The following FMN1 variants were observed in gnomAD, a reference collection of about 807,000 sequenced individuals.
FMN1 encodes the protein formin 1, also known as formin-1.
Under a neutral mutation model 132.4 loss-of-function variants are expected in FMN1, and 110 were observed. The observed-to-expected ratio is 0.83, with a 90% confidence interval of 0.71 to 0.97. The LOEUF (loss-of-function observed/expected upper bound fraction) is 0.97. Ranked by LOEUF, FMN1 falls within the 50% of genes least tolerant of loss-of-function variation. The probability of loss-of-function intolerance (pLI) is 0.00; values close to 1 mark genes in which losing one functional copy is unlikely to be tolerated. For missense variants in FMN1, 1,792 were observed against 1,705.3 expected (o/e 1.05, Z -0.90); for synonymous variants, 722 against 651.7 (o/e 1.11, Z -1.64).
chr15:33,016,316 A>G (rs1443998740), intron 6 of FMN1, among the ~76,000 whole-genome samples: 1 of 152,210 alleles, frequency 6.6e-6, no homozygotes, highest in African/African-American at 2.4e-5. Context: ...CAGTTCATGT[A>G]AGGCAGAGTC....
At chr15:33,101,780 G>A (rs2039302893) in intron 4 of FMN1, among the ~76,000 whole-genome samples, 1 of 152,020 alleles carries the variant, frequency 6.6e-6, no homozygotes, top group African/African-American at 2.4e-5. Context: ...ACTTCTTGTT[G>A]CATACAGAAT....
At chr15:32,821,449 C>CTTTTTTTTTTT (rs34336647) in intron 17 of FMN1, among the ~76,000 whole-genome samples, 6 of 110,822 alleles carry the variant, frequency 5.4e-5, no homozygotes, top group East Asian at 2.7e-4. Context: ...ATATTTAAAT[C>CTTTTTTTTTTT]TTTTTTTTTT....
chr15:32,899,531 C>A (rs114547654), intron 14 of FMN1, among the ~76,000 whole-genome samples: 1,830 of 152,314 alleles, frequency 0.012, 36 homozygotes, highest in African/African-American at 0.042. Context: ...GATAATCAGG[C>A]TCAGAGAGCT....
chr15:33,002,615 A>G (rs1475779211), intron 7 of FMN1, among the ~76,000 whole-genome samples: 2 of 152,234 alleles, frequency 1.3e-5, no homozygotes, highest in Non-Finnish European at 2.9e-5. Context: ...GAGGTCATGC[A>G]TCCTGGTGGA....
chr15:33,095,184 C>T (rs2039035376), intron 4 of FMN1, among the ~76,000 whole-genome samples: 2 of 151,980 alleles, frequency 1.3e-5, no homozygotes, highest in South Asian at 4.2e-4. Context: ...CCCATCTCTA[C>T]TGAAAATACA....
At chr15:33,100,857 G>A (rs2039266604) in intron 4 of FMN1, among the ~76,000 whole-genome samples, 1 of 152,102 alleles carries the variant, frequency 6.6e-6, no homozygotes, top group Non-Finnish European at 1.5e-5. Flanking sequence ...TTGTGATATA[G>A]TCATTACTGT....
chr15:33,084,723 T>C (rs1331780411), intron 5 of FMN1, among the ~76,000 whole-genome samples: 3 of 150,956 alleles, frequency 2.0e-5, no homozygotes, highest in African/African-American at 4.8e-5. Flanking sequence ...CTCCTGCCAT[T>C]CCCCAAGGAA....
At chr15:33,013,419 G>A (rs2034850660) in intron 6 of FMN1, among the ~76,000 whole-genome samples, 1 of 152,202 alleles carries the variant, frequency 6.6e-6, no homozygotes, top group South Asian at 2.1e-4. Context: ...TTTAAAAAAA[G>A]AAAGACTAGC....
chr15:32,860,183 GAGGA>G (rs10552498), intron 16 of FMN1, among the ~76,000 whole-genome samples: 70,157 of 145,766 alleles, frequency 0.48, 17,401 homozygotes, highest in Admixed American at 0.54. Context: ...AAAGAAAAGG[GAGGA>G]AGGAAGGAAG....
intron 6 of FMN1, among the ~76,000 whole-genome samples, chr15:33,018,923 C>G (rs374690995): frequency 6.6e-6 from 1 of 152,182 alleles, no homozygotes; most frequent in African/African-American, 2.4e-5. Context: ...AGTGAAGCTG[C>G]AGACCTTCCT....
At chr15:32,828,516 T>C (rs1045255556) in intron 17 of FMN1, among the ~76,000 whole-genome samples, 1 of 152,118 alleles carries the variant, frequency 6.6e-6, no homozygotes, top group African/African-American at 2.4e-5. Context: ...TTTTTTTTTT[T>C]TCTCACTGGG....
At chr15:32,825,294 G>A (rs1004512096) in intron 17 of FMN1, among the ~76,000 whole-genome samples, 2 of 152,212 alleles carry the variant, frequency 1.3e-5, no homozygotes, top group African/African-American at 4.8e-5. Context: ...GCTTCCTGTA[G>A]AATAAAATCC....
chr15:32,956,829 T>C (rs2061779667), intron 9 of FMN1, among the ~76,000 whole-genome samples: 1 of 152,178 alleles, frequency 6.6e-6, no homozygotes, highest in Non-Finnish European at 1.5e-5. Context: ...AGCAATAGGT[T>C]ATGAAAACCC....
chr15:32,956,442 G>A (rs1293954573), intron 9 of FMN1, among the ~76,000 whole-genome samples: 1 of 151,830 alleles, frequency 6.6e-6, no homozygotes, highest in Non-Finnish European at 1.5e-5. Context: ...AATTTACAAG[G>A]TGGAATTTTT....
At chr15:33,188,351 C>T (rs539787494) in intron 2 of FMN1, among the ~76,000 whole-genome samples, 2 of 152,148 alleles carry the variant, frequency 1.3e-5, no homozygotes, top group African/African-American at 4.8e-5. Context: ...AAAAAAAAGT[C>T]GAGTTAGCAT....
chr15:32,908,358 A>G, intron 12 of FMN1, 132 bp downstream of exon 12: 1 of 628,046 alleles, frequency 1.6e-6, no homozygotes. Context: ...TGCATGCAAC[A>G]GGTCACAGGA....
chr15:32,859,140 G>GT (rs1267737712), intron 16 of FMN1, among the ~76,000 whole-genome samples: 1 of 152,096 alleles, frequency 6.6e-6, no homozygotes, highest in Non-Finnish European at 1.5e-5. Flanking sequence ...GTTGGATTAT[G>GT]TTTTTTTAAG....
chr15:33,094,440 G>A (rs1348436015), intron 4 of FMN1, among the ~76,000 whole-genome samples: 1 of 152,140 alleles, frequency 6.6e-6, no homozygotes, highest in Non-Finnish European at 1.5e-5. Flanking sequence ...AGAAGATAAG[G>A]AGAATAACAA....
In FMN1 at chr15:32,813,624, C is replaced by T. The variant is rs184530169; in HGVS notation, c.3929-9292G>A. ...GCTTCTGTGTAGTCCAGTGAAGTCCCTCAATGCTGCACAACTACCTGTATG... is the reference window on the plus strand; with the variant it reads ...GCTTCTGTGTAGTCCAGTGAAGTCCTTCAATGCTGCACAACTACCTGTATG... On this transcript the variant is annotated intron_variant, in intron 17 of 20. Transcript: ENST00000616417. Among the ~76,000 whole-genome samples, 3 of 152,280 alleles carry T rather than the reference C, an allele frequency of 2.0e-5. No individual in the cohort carries two copies. In the East Asian group the frequency reaches 5.8e-4, roughly 29 times the overall value.
Sources: allele counts gnomAD v4.1 joint callset (sites outside exome capture counted in the v4.1 genomes callset), GRCh38; gene constraint gnomAD v4.1.1; transcripts MANE v1.5; gene names NCBI Gene and HGNC (gene_info 2026-07-23, HGNC 2026-07-21).